PLCG2: variants seen among roughly 807,000 people sequenced by gnomAD.
The protein encoded by PLCG2 is phospholipase C gamma 2, also known as 1-phosphatidylinositol 4,5-bisphosphate phosphodiesterase gamma-2.
A neutral mutation model predicts 175.6 loss-of-function variants in PLCG2; 69 were observed. That is an observed-to-expected ratio of 0.39 (90% CI 0.32 to 0.48). PLCG2 has a LOEUF of 0.48. Among genes scored for constraint, PLCG2 ranks in the 20% least tolerant of loss-of-function variants. PLCG2 has a pLI of 0.91. For missense variants in PLCG2, 1,798 were observed against 1,650.9 expected, an observed-to-expected ratio of 1.09 and a Z score of -1.54; for synonymous variants, 827 against 624.0, an observed-to-expected ratio of 1.33 and a Z score of -4.85.
chr16:81,753,666 C>T (rs781414708), intron 1 of PLCG2, among the ~76,000 whole-genome samples: 2 of 152,154 alleles, frequency 1.3e-5, no homozygotes, highest in South Asian at 2.1e-4. Context: ...GCCTTGGCCT[C>T]CCAAAGTACT....
chr16:81,845,495 A>T (rs1045434498), intron 2 of PLCG2, among the ~76,000 whole-genome samples: 23 of 152,360 alleles, frequency 1.5e-4, no homozygotes, highest in African/African-American at 4.8e-4. Context: ...GTCCAAAGCT[A>T]TCTGCTATAA....
chr16:81,943,334 G>GA (rs1437046476), intron 30 of PLCG2, among the ~76,000 whole-genome samples: 1 of 152,150 alleles, frequency 6.6e-6, no homozygotes, highest in African/African-American at 2.4e-5. Context: ...GGTAGAAGGG[G>GA]AACAAGCACA....
At position 81,843,578 on chromosome 16, in the gene PLCG2, T is replaced by G. The variant is rs575518679; in HGVS notation, c.194-10866T>G. 1.4e-4 allele frequency among the ~76,000 whole-genome samples: 22 copies of G among 152,368 alleles called. No individual in the cohort carries two copies. In the East Asian group the frequency reaches 4.0e-3, roughly 28 times the overall value. On this transcript the variant is annotated intron_variant, in intron 2 of 32. Coordinates refer to ENST00000564138, the MANE Select transcript of PLCG2 (RefSeq NM_002661.5). The stretch of plus-strand genomic sequence containing the variant: ...ATTTTTCGCGTGAATACAAAGCATC[T>G]ACAGCAACAAATGCCCAATTTTTGG...
intron 19 of PLCG2, among the ~76,000 whole-genome samples, chr16:81,915,750 G>A (rs1390697183): frequency 6.6e-6 from 1 of 152,158 alleles, no homozygotes; most frequent in Non-Finnish European, 1.5e-5. Context: ...GAAGGAGCCG[G>A]AACCTGACCT....
intron 20 of PLCG2, 37 bp downstream of exon 20, chr16:81,919,701 C>G (rs1232269148): frequency 6.4e-7 from 1 of 1,571,964 alleles, no homozygotes; most frequent in Non-Finnish European, 8.7e-7. Context: ...GGTGGGATTT[C>G]TTGTCTGAGG....
chr16:81,754,130 T>C (rs1909870229), intron 1 of PLCG2, among the ~76,000 whole-genome samples: 1 of 151,960 alleles, frequency 6.6e-6, no homozygotes, highest in Admixed American at 6.6e-5. Flanking sequence ...ACACAGGTTC[T>C]AGGGACCCAC....
At chr16:81,795,313 C>G (rs77483597) in intron 2 of PLCG2, among the ~76,000 whole-genome samples, 29 of 152,314 alleles carry the variant, frequency 1.9e-4, no homozygotes, top group Non-Finnish European at 2.6e-4. Context: ...AGGGTGGCCT[C>G]TCTGTAGAGG....
chr16:81,811,130 C>T (rs778684122), intron 2 of PLCG2, among the ~76,000 whole-genome samples: 6 of 152,272 alleles, frequency 3.9e-5, no homozygotes, highest in East Asian at 1.9e-4. Flanking sequence ...TATGGCACCA[C>T]GTATGACAGC....
chr16:81,880,845 C>T (rs1908042085), intron 7 of PLCG2, 65 bp from the exon 8 acceptor site: 2 of 1,471,700 alleles, frequency 1.4e-6, no homozygotes, highest in Admixed American at 1.8e-5. Context: ...CAACAAAAAT[C>T]TTTCCGTTTT....
intron 9 of PLCG2, among the ~76,000 whole-genome samples, chr16:81,888,514 C>A (rs189501865): frequency 2.0e-5 from 3 of 152,200 alleles, no homozygotes; most frequent in African/African-American, 7.2e-5. Context: ...TTTCTGTGCA[C>A]CAGGTGCTGC....
chr16:81,844,143 A>ATTT (rs60183943), intron 2 of PLCG2, among the ~76,000 whole-genome samples: 12,223 of 93,530 alleles, frequency 0.13, 665 homozygotes, highest in Non-Finnish European at 0.18. Context: ...CACCCGGCTG[A>ATTT]TTTTTTTTTT....
chr16:81,788,239 A>G (rs1014421662), intron 2 of PLCG2, among the ~76,000 whole-genome samples: 19 of 152,146 alleles, frequency 1.2e-4, no homozygotes, highest in Non-Finnish European at 2.6e-4. Flanking sequence ...GGTATATCTG[A>G]AGGACAGCTT....
intron 2 of PLCG2, among the ~76,000 whole-genome samples, chr16:81,834,964 G>T (rs1177949258): frequency 6.6e-6 from 1 of 152,166 alleles, no homozygotes; most frequent in Non-Finnish European, 1.5e-5. Flanking sequence ...CTGCTCTCTG[G>T]AGAACAGACC....
chr16:81,937,590 T>C (rs1910766871), intron 27 of PLCG2, 168 bp from the exon 28 acceptor site: 1 of 473,876 alleles, frequency 2.1e-6, no homozygotes, highest in South Asian at 4.4e-5. Context: ...GTCTGGGAGT[T>C]TGCTGTCTAG....
rs532186162 is a variant in PLCG2 at position 81,780,519 on chromosome 16, G to T, written c.-48+1095G>T. Among the ~76,000 whole-genome samples, 8 of 152,288 alleles carry T rather than the reference G, an allele frequency of 5.3e-5. No individual in the cohort carries two copies. In the South Asian group the frequency reaches 8.3e-4, roughly 16 times the overall value. On this transcript the variant is annotated intron_variant, in intron 1 of 32. Transcript: ENST00000564138. The stretch of plus-strand genomic sequence containing the variant: ...AGCCTCAAGCAGTTTCTCTTGCAAA[G>T]GTGTGTGTGCAGTCACGTGTATACC...
At chr16:81,776,655 A>T (rs1195259115), upstream of PLCG2, among the ~76,000 whole-genome samples, 1 of 152,150 alleles carries the variant, frequency 6.6e-6, no homozygotes, top group Non-Finnish European at 1.5e-5. Flanking sequence ...TCTGGGTTCA[A>T]ACGATTCTGC....
chr16:81,906,170 A>G (rs1181394922), intron 15 of PLCG2: 1 of 152,194 alleles, frequency 6.6e-6, no homozygotes, highest in African/African-American at 2.4e-5. Context: ...TATAGATGGT[A>G]TTTCATTGTT....
chr16:81,917,155 C>T (rs537319114), intron 19 of PLCG2, among the ~76,000 whole-genome samples: 2 of 151,452 alleles, frequency 1.3e-5, no homozygotes, highest in Non-Finnish European at 1.5e-5. Flanking sequence ...ATTTGTTTTT[C>T]TGTGCCTGGT....
intron 1 of PLCG2, among the ~76,000 whole-genome samples, chr16:81,781,873 C>T (rs940488571): frequency 2.7e-5 from 4 of 146,246 alleles, no homozygotes; most frequent in African/African-American, 5.1e-5. Context: ...TTTCCCCCCC[C>T]CCCCCCGCCC....
Sources: allele counts gnomAD v4.1 joint callset (sites outside exome capture counted in the v4.1 genomes callset), GRCh38; gene constraint gnomAD v4.1.1; transcripts MANE v1.5; gene names NCBI Gene and HGNC (gene_info 2026-07-23, HGNC 2026-07-21).